The following SSH2 variants were observed in gnomAD, a reference collection of about 807,000 sequenced individuals.
The protein encoded by SSH2 is slingshot protein phosphatase 2.
A neutral mutation model predicts 135.2 loss-of-function variants in SSH2; 37 were observed. The ratio of observed to expected loss-of-function variants is 0.27; its 90% CI spans 0.21 to 0.36. The LOEUF is 0.36. SSH2 is among the 10% of genes least tolerant of loss of function. SSH2 has a pLI of 1.00. For missense variants in SSH2, 1,408 were observed against 1,765.3 expected, an observed-to-expected ratio of 0.80 and a Z score of 3.63; for synonymous variants, 628 against 646.2, an observed-to-expected ratio of 0.97 and a Z score of 0.43.
In SSH2 at chr17:29,850,877, C is replaced by T. The variant is rs989047284; in HGVS notation, c.64-1948G>A. On this transcript the variant is annotated intron_variant, in intron 1 of 15. Coordinates refer to ENST00000540801, the MANE Select transcript of SSH2 (RefSeq NM_001282129.2). ...GCGGGCGCCTGCAGTCCCACCTACTCGGGAGGTTGAGGCAGGAGAATGGCG... is the reference window on the plus strand; with the variant it reads ...GCGGGCGCCTGCAGTCCCACCTACTTGGGAGGTTGAGGCAGGAGAATGGCG... 4.6e-5 allele frequency among the ~76,000 whole-genome samples: 7 copies of T among 151,974 alleles called. No homozygotes were observed. In the South Asian group the frequency reaches 6.2e-4, roughly 13 times the overall value.
chr17:29,872,296 A>G (rs1046705852), intron 1 of SSH2, among the ~76,000 whole-genome samples: 14 of 152,266 alleles, frequency 9.2e-5, no homozygotes, highest in Admixed American at 7.9e-4. Context: ...TATAACATCA[A>G]CATGAACTCT....
intron 3 of SSH2, among the ~76,000 whole-genome samples, chr17:29,741,543 G>T (rs2040553032): frequency 6.6e-6 from 1 of 151,770 alleles, no homozygotes; most frequent in African/African-American, 2.4e-5. Flanking sequence ...ACAATGGCAG[G>T]ATGTTCTCAA....
At chr17:29,730,326 T>C (rs2040136799) in intron 3 of SSH2, among the ~76,000 whole-genome samples, 1 of 147,866 alleles carries the variant, frequency 6.8e-6, no homozygotes, top group African/African-American at 2.5e-5. Flanking sequence ...TATATATATA[T>C]AATTTTATAT....
rs1641003236 is a variant in SSH2 at position 29,928,536 on chromosome 17, C to A, written c.63+1402G>T. 7.5e-6 allele frequency: 3 copies of A among 398,540 alleles called. No individual in the cohort carries two copies. The East Asian group carries it at 1.1e-4, about 14-fold the overall frequency. The allele number at this position is 398,540 out of a possible 1,614,324, so 24.7% of individuals were successfully genotyped here. A position where few individuals can be genotyped will look rare whatever the true frequency, so the allele number is the denominator to read the frequency against. On this transcript the variant is annotated intron_variant, in intron 1 of 15. Transcript: ENST00000540801. ...CTCCACTGTTACAAATTCTTCCTTA[C>A]AATCACTGGAAATCTGCCTCCCTGA...
At position 29,676,802 on chromosome 17, in the gene SSH2, T is replaced by C. The variant is rs764762348; in HGVS notation, c.614+18A>G. The C allele has an allele frequency of 6.3e-7, 1 of 1,595,260 alleles. No individual in the cohort carries two copies. Among genetic ancestry groups the C allele is most frequent in the Non-Finnish European group, 8.6e-7 (1 of 1,163,206 alleles). Reference sequence around the variant, plus strand: ...TAACATTAAAACACTTTTGTAGAGATAGTAAAAGTCATCTTACCACATTGC... The same window carrying C: ...TAACATTAAAACACTTTTGTAGAGACAGTAAAAGTCATCTTACCACATTGC... On this transcript the variant is annotated intron_variant, in intron 8 of 15. Coordinates refer to ENST00000540801, the MANE Select transcript of SSH2 (RefSeq NM_001282129.2).
intron 2 of SSH2, among the ~76,000 whole-genome samples, chr17:29,796,808 CTTTT>C (rs200405675): frequency 1.4e-5 from 2 of 142,880 alleles, no homozygotes; most frequent in Admixed American, 7.0e-5. Context: ...TTTTTCCTTT[CTTTT>C]TTTTTTTTTG....
rs11449000 is a variant in SSH2, at chr17:29,725,347, C to CAAAAAAAAAAAAAAAAAAAAAAA, written c.189-22286_189-22285insTTTTTTTTTTTTTTTTTTTTTTT. ...GGGCGACACAGCAAGAATCAGTCTC[C>CAAAAAAAAAAAAAAAAAAAAAAA]AAAAAAAAAAAAAAAAAAAAAAGCC... On this transcript the variant is annotated intron_variant, in intron 3 of 15. Coordinates refer to ENST00000540801, the MANE Select transcript of SSH2 (RefSeq NM_001282129.2). Among the ~76,000 whole-genome samples the CAAAAAAAAAAAAAAAAAAAAAAA allele has an allele frequency of 3.8e-5, 2 of 52,788 alleles. 1 individual carries two copies. 34.6% of individuals were successfully genotyped at this position (52,788 alleles called of 152,430 possible).
At chr17:29,684,919 TATAAA>T (rs2038149144) in intron 5 of SSH2, among the ~76,000 whole-genome samples, 1 of 150,960 alleles carries the variant, frequency 6.6e-6, no homozygotes, top group East Asian at 1.9e-4. Flanking sequence ...TTAAGAATCT[TATAAA>T]ATAATACAGT....
chr17:29,783,396 T>C (rs1027720413), intron 3 of SSH2, among the ~76,000 whole-genome samples: 6 of 151,014 alleles, frequency 4.0e-5, no homozygotes, highest in East Asian at 1.9e-4. Context: ...CAATAGGCTA[T>C]CTGCAAGCTG....
intron 11 of SSH2, among the ~76,000 whole-genome samples, chr17:29,663,286 T>A (rs1358996367): frequency 1.3e-5 from 2 of 152,244 alleles, no homozygotes; most frequent in Non-Finnish European, 1.5e-5. Flanking sequence ...CTGGTTGAGC[T>A]CCAGGCATGG....
At chr17:29,684,035 A>G (rs932934641) in intron 6 of SSH2, among the ~76,000 whole-genome samples, 1 of 152,218 alleles carries the variant, frequency 6.6e-6, no homozygotes, top group African/African-American at 2.4e-5. Context: ...TAAAGATGAG[A>G]TGAAGGTATG....
In SSH2 at chr17:29,672,143, T is replaced by C. The variant is rs1476667368; in HGVS notation, c.615-14A>G. The C allele has an allele frequency of 2.5e-6, 4 of 1,609,940 alleles. No homozygotes were observed. Among genetic ancestry groups the C allele is most frequent in the Non-Finnish European group, 3.4e-6 (4 of 1,177,480 alleles). Reference sequence around the variant, plus strand: ...TGTAGTGCAGACCTGAAAGACATGCTGGGAAATGAGCACCATAGAACTGTG... The same window carrying C: ...TGTAGTGCAGACCTGAAAGACATGCCGGGAAATGAGCACCATAGAACTGTG... On this transcript the variant is annotated splice_polypyrimidine_tract_variant and intron_variant, in intron 8 of 15. Coordinates refer to ENST00000540801, the MANE Select transcript of SSH2 (RefSeq NM_001282129.2).
intron 5 of SSH2, among the ~76,000 whole-genome samples, chr17:29,692,368 A>G (rs566759176): frequency 7.9e-5 from 12 of 152,278 alleles, no homozygotes; most frequent in Admixed American, 3.3e-4. Flanking sequence ...GACTCACTCA[A>G]TAAGCTGAAA....
chr17:29,698,069 A>G (rs572998641), intron 4 of SSH2, among the ~76,000 whole-genome samples: 35 of 152,346 alleles, frequency 2.3e-4, no homozygotes, highest in African/African-American at 8.4e-4. Flanking sequence ...AAAACATGCT[A>G]AGTAAAAGGA....
chr17:29,745,182 C>G (rs2040719078), intron 3 of SSH2, among the ~76,000 whole-genome samples: 1 of 148,248 alleles, frequency 6.7e-6, no homozygotes, highest in African/African-American at 2.5e-5. Flanking sequence ...TTTTTTGAAA[C>G]AGAGTCTTTT....
intron 3 of SSH2, among the ~76,000 whole-genome samples, chr17:29,791,917 CT>C (rs36064413): frequency 0.06 from 7,739 of 128,310 alleles, 343 homozygotes; most frequent in African/African-American, 0.15. Context: ...TCTTCTTCCT[CT>C]TTTTTTTTTT....
At chr17:29,643,800 A>G (rs2036264561) in intron 14 of SSH2, among the ~76,000 whole-genome samples, 1 of 152,060 alleles carries the variant, frequency 6.6e-6, no homozygotes, top group Admixed American at 6.6e-5. Flanking sequence ...GGCTGTGAAT[A>G]TGTTTTATCC....
chr17:29,798,385 C>G (rs1309219207), intron 2 of SSH2, among the ~76,000 whole-genome samples: 3 of 151,976 alleles, frequency 2.0e-5, no homozygotes, highest in African/African-American at 7.3e-5. Flanking sequence ...TCTCGAACTC[C>G]TGACCTCGTG....
intron 3 of SSH2, among the ~76,000 whole-genome samples, chr17:29,793,192 C>T (rs375905986): frequency 4.9e-4 from 74 of 152,028 alleles, no homozygotes; most frequent in South Asian, 2.3e-3. Context: ...TTATTTTATA[C>T]TTCCTAGATT....
Sources: gnomAD v4.1 joint callset for allele counts (sites outside exome capture counted in the v4.1 genomes callset) on GRCh38, gnomAD v4.1.1 for gene constraint, MANE v1.5 for transcripts, NCBI Gene and HGNC (gene_info 2026-07-23, HGNC 2026-07-21) for gene names.